EPM2A: variants seen among roughly 807,000 people sequenced by gnomAD.
EPM2A encodes the protein EPM2A glucan phosphatase, laforin.
A neutral mutation model predicts 26.5 loss-of-function variants in EPM2A; 21 were observed. The observed-to-expected ratio is 0.79, with a 90% confidence interval of 0.56 to 1.14. The LOEUF (loss-of-function observed/expected upper bound fraction) is 1.14, where lower values mean the gene tolerates loss of function less well. Ranked by LOEUF, EPM2A falls within the 50% of genes most tolerant of loss-of-function variation. The pLI, the probability that EPM2A is intolerant of heterozygous loss-of-function variation, is 0.00. For missense variants in EPM2A, 458 were observed against 440.8 expected (o/e 1.04, Z -0.35); for synonymous variants, 217 against 177.6 (o/e 1.22, Z -1.76).
At position 145,649,492 on chromosome 6, in the gene EPM2A, A is replaced by G. The variant is rs983576599; in HGVS notation, c.477-14006T>C. ...AGAATACTAATGTGTTGGTAAGCCTATATGATGGGGGCAAATTGTGTAACA... is the reference window on the plus strand; with the variant it reads ...AGAATACTAATGTGTTGGTAAGCCTGTATGATGGGGGCAAATTGTGTAACA... On this transcript the variant is annotated intron_variant, in intron 2 of 3. Coordinates refer to ENST00000367519, the MANE Select transcript of EPM2A (RefSeq NM_005670.4). Among the ~76,000 whole-genome samples, 75 of 152,348 alleles carry G rather than the reference A, an allele frequency of 4.9e-4. 1 individual carries two copies. The highest frequency in any genetic ancestry group is 1.7e-3 in the African/African-American group (71 of 41,578).
chr6:145,506,440 A>G (rs1324384641), intron 2 of EPM2A, among the ~76,000 whole-genome samples: 1 of 152,148 alleles, frequency 6.6e-6, no homozygotes. Context: ...TCATAAAAGT[A>G]AAAACAAAAA....
At chr6:145,491,220 G>A (rs1439279909) in intron 4 of EPM2A, 1 of 409,052 alleles carries the variant, frequency 2.4e-6, no homozygotes, top group Non-Finnish European at 4.7e-6. Context: ...TCATGGGTAG[G>A]AACTGGTGTG....
At chr6:145,595,936 G>T (rs9485010) in intron 2 of EPM2A, among the ~76,000 whole-genome samples, 1 of 152,128 alleles carries the variant, frequency 6.6e-6, no homozygotes, top group Admixed American at 6.5e-5. Flanking sequence ...CCCCAGTGAT[G>T]AATAATGTTG....
chr6:145,667,510 AAAC>A lies in EPM2A; in HGVS notation c.476+18609_476+18611del, dbSNP rs1437912162. Among the ~76,000 whole-genome samples the A allele has an allele frequency of 1.4e-3, 217 of 150,576 alleles. 3 individuals are homozygous for A. In the East Asian group the frequency reaches 0.041, roughly 29 times the overall value. ...GAATGGCAATCATTAAAAAGTCAGGAAACAACAGGTGCTGGAGAGGATGTGGAG... is the reference window on the plus strand; with the variant it reads ...GAATGGCAATCATTAAAAAGTCAGGAAACAGGTGCTGGAGAGGATGTGGAG... On this transcript the variant is annotated intron_variant, in intron 2 of 3. Coordinates refer to ENST00000367519, the MANE Select transcript of EPM2A (RefSeq NM_005670.4).
At chr6:145,583,777 C>T (rs967463355) in intron 2 of EPM2A, among the ~76,000 whole-genome samples, 1 of 152,220 alleles carries the variant, frequency 6.6e-6, no homozygotes, top group African/African-American at 2.4e-5. Context: ...GCCCACATGT[C>T]AGCAGAGCTG....
chr6:145,528,366 C>A (rs1024518569), intron 2 of EPM2A, among the ~76,000 whole-genome samples: 4 of 152,130 alleles, frequency 2.6e-5, no homozygotes, highest in Admixed American at 6.6e-5. Flanking sequence ...CAATGCTTGG[C>A]TTCAAAATCT....
chr6:145,525,641 A>AT (rs566765863), intron 2 of EPM2A, among the ~76,000 whole-genome samples: 2 of 152,176 alleles, frequency 1.3e-5, no homozygotes, highest in South Asian at 4.1e-4. Flanking sequence ...GTGTACATTG[A>AT]TTTTGTTTCT....
intron 1 of EPM2A, among the ~76,000 whole-genome samples, chr6:145,692,077 T>C (rs1781314165): frequency 2.0e-5 from 3 of 152,104 alleles, no homozygotes; most frequent in Middle Eastern, 3.4e-3. Flanking sequence ...AGTAGTTATA[T>C]TACTATTATA....
Position 145,572,119 on chromosome 6 carries a change from C to T in EPM2A, c.340+63126G>A, listed in dbSNP as rs954920538. On this transcript the variant is annotated intron_variant, in intron 2 of 3. Coordinates refer to the EPM2A transcript ENST00000450221. Reference sequence around the variant, plus strand: ...CCTTCCATGCAAATGCACAACCAGGCGCACTGCTCAAAGTTCTGCCCACTG... The same window carrying T: ...CCTTCCATGCAAATGCACAACCAGGTGCACTGCTCAAAGTTCTGCCCACTG... Among the ~76,000 whole-genome samples, 14 of 152,244 alleles carry T rather than the reference C, an allele frequency of 9.2e-5. No individual in the cohort carries two copies. In the East Asian group the frequency reaches 1.2e-3, roughly 13 times the overall value.
intron 2 of EPM2A, among the ~76,000 whole-genome samples, chr6:145,586,844 C>T (rs780477256): frequency 2.4e-4 from 36 of 152,128 alleles, no homozygotes; most frequent in African/African-American, 8.2e-4. Flanking sequence ...CTACTTAAAA[C>T]GAAACCTCAC....
chr6:145,686,078 C>G, intron 2 of EPM2A, 44 bp downstream of exon 2: 1 of 1,547,050 alleles, frequency 6.5e-7, no homozygotes, highest in Non-Finnish European at 8.9e-7. Context: ...CTAATGCTAT[C>G]TCTTGTCCTA....
chr6:145,467,398 A>C (rs180747293), intron 4 of EPM2A, among the ~76,000 whole-genome samples: 1 of 152,168 alleles, frequency 6.6e-6, no homozygotes, highest in African/African-American at 2.4e-5. Flanking sequence ...TCACATATTA[A>C]ATTTTCCTAT....
At chr6:145,383,866 C>T (rs1400410565) in exon 5 of EPM2A, 1 of 152,162 alleles carries the variant, frequency 6.6e-6, no homozygotes, top group African/African-American at 2.4e-5. Flanking sequence ...TGCTTTTCAG[C>T]TACTATTGAT....
chr6:145,428,401 C>A (rs1458796234), intron 4 of EPM2A, among the ~76,000 whole-genome samples: 1 of 151,982 alleles, frequency 6.6e-6, no homozygotes, highest in African/African-American at 2.4e-5. Flanking sequence ...TTATCTACAC[C>A]CACCTTCTTT....
chr6:145,389,205 CT>C (rs1162002053), intron 4 of EPM2A, among the ~76,000 whole-genome samples: 2,005 of 142,964 alleles, frequency 0.014, 25 homozygotes, highest in Non-Finnish European at 0.02. Context: ...ATCTTTTTTT[CT>C]TTTTTTTTTT....
intron 4 of EPM2A, among the ~76,000 whole-genome samples, chr6:145,473,879 T>C (rs1021949579): frequency 2.6e-5 from 4 of 152,060 alleles, no homozygotes; most frequent in Non-Finnish European, 2.9e-5. Flanking sequence ...TGAAGGATTT[T>C]ATCAATACCA....
At chr6:145,527,750 G>A (rs1780298495) in intron 2 of EPM2A, among the ~76,000 whole-genome samples, 1 of 152,024 alleles carries the variant, frequency 6.6e-6, no homozygotes, top group South Asian at 2.1e-4. Flanking sequence ...GCCACTCAAT[G>A]TGTTTAAGTG....
intron 2 of EPM2A, among the ~76,000 whole-genome samples, chr6:145,596,533 A>G (rs111655141): frequency 1.3e-5 from 2 of 152,096 alleles, no homozygotes; most frequent in African/African-American, 4.8e-5. Context: ...ATAACTCTGT[A>G]CTCTTGAGTA....
chr6:145,568,619 G>A (rs1003180603), intron 2 of EPM2A, among the ~76,000 whole-genome samples: 11 of 152,072 alleles, frequency 7.2e-5, no homozygotes, highest in Admixed American at 3.9e-4. Context: ...CACTGCGCCC[G>A]GCCTGGAATA....
Sources: allele counts gnomAD v4.1 joint callset (sites outside exome capture counted in the v4.1 genomes callset), GRCh38; gene constraint gnomAD v4.1.1; transcripts MANE v1.5; gene names NCBI Gene and HGNC (gene_info 2026-07-23, HGNC 2026-07-21).